Variants in RASA1 observed in about 807,000 individuals in gnomAD.
RASA1 encodes the protein RAS p21 protein activator 1, also known as ras GTPase-activating protein 1.
In RASA1, 25 loss-of-function variants were observed where a neutral mutation model predicts 132.2. The ratio of observed to expected loss-of-function variants is 0.19; its 90% CI spans 0.14 to 0.26. RASA1 has a LOEUF of 0.26. RASA1 is among the 10% of genes least tolerant of loss of function. The pLI is 1.00. For missense variants in RASA1, 964 were observed against 1,299.2 expected (o/e 0.74, Z 3.97); for synonymous variants, 477 against 449.9 (o/e 1.06, Z -0.76).
rs1758326525 is a variant in RASA1 at position 87,340,073 on chromosome 5, A to G, written c.1018-1217A>G. 3.3e-5 allele frequency among the ~76,000 whole-genome samples: 5 copies of G among 152,162 alleles called. No homozygotes were observed. In the South Asian group the frequency reaches 1.0e-3, roughly 31 times the overall value. On this transcript the variant is annotated intron_variant, in intron 5 of 24. Coordinates refer to ENST00000274376, the MANE Select transcript of RASA1 (RefSeq NM_002890.3). Reference sequence around the variant, plus strand: ...ATTCACTGATGTATTACCATTGCCTAGAATAGTGTCTGGCATTAGTAGGCA... The same window carrying G: ...ATTCACTGATGTATTACCATTGCCTGGAATAGTGTCTGGCATTAGTAGGCA...
intron 1 of RASA1, among the ~76,000 whole-genome samples, chr5:87,307,386 G>T (rs1220184454): frequency 2.6e-5 from 4 of 151,984 alleles, no homozygotes; most frequent in Non-Finnish European, 4.4e-5. Context: ...GCGTCAACCC[G>T]GGAGGCGGAG....
In RASA1 at chr5:87,372,098, AG is replaced by A. The variant is rs1302054698; in HGVS notation, c.1699-19del. On this transcript the variant is annotated intron_variant, in intron 12 of 24. Transcript: ENST00000274376. ...AATAAACTAGTGTATATTTCTTTGA[AG>A]TGCTGTTTTTCTTTGCAGGATTGGA... 2 of 1,610,468 alleles carry A rather than the reference AG, an allele frequency of 1.2e-6. No homozygotes were observed. Among genetic ancestry groups the A allele is most frequent in the Non-Finnish European group, 8.5e-7 (1 of 1,178,272 alleles).
At chr5:87,311,944 C>T (rs1364308735) in intron 1 of RASA1, among the ~76,000 whole-genome samples, 2 of 152,180 alleles carry the variant, frequency 1.3e-5, no homozygotes, top group African/African-American at 4.8e-5. Context: ...TTGGAATATC[C>T]AAGGTGTGGA....
At chr5:87,320,165 G>C (rs922124771) in intron 1 of RASA1, among the ~76,000 whole-genome samples, 3 of 152,156 alleles carry the variant, frequency 2.0e-5, no homozygotes, top group Non-Finnish European at 4.4e-5. Flanking sequence ...GATTTTCACT[G>C]TCCATATCAC....
intron 7 of RASA1, among the ~76,000 whole-genome samples, chr5:87,346,989 A>G (rs1758911622): frequency 6.6e-6 from 1 of 151,820 alleles, no homozygotes; most frequent in African/African-American, 2.4e-5. Flanking sequence ...TTTTTCCCAT[A>G]TGTTTCTAGA....
chr5:87,383,351 C>T (rs1194345938), intron 20 of RASA1, among the ~76,000 whole-genome samples: 2 of 152,154 alleles, frequency 1.3e-5, no homozygotes, highest in East Asian at 3.9e-4. Flanking sequence ...TTCAGAAATT[C>T]TTAAGATTCC....
rs960236167 is a variant in RASA1, at chr5:87,332,413, T to C, written c.693-94T>C. The C allele has an allele frequency of 3.1e-6, 4 of 1,270,294 alleles. No homozygotes were observed. The East Asian group carries it at 7.5e-5, about 24-fold the overall frequency. 78.7% of individuals were successfully genotyped at this position (1,270,294 alleles called of 1,614,324 possible). A position where few individuals can be genotyped will look rare whatever the true frequency, so the allele number is the denominator to read the frequency against. On this transcript the variant is annotated intron_variant, in intron 2 of 24. Transcript: ENST00000274376. ...GGATATAGTTACAAGGAAAAGAGTA[T>C]GGAAATTATGGATTTATAATTTCTT...
At chr5:87,327,052 T>A (rs1757283035) in intron 1 of RASA1, among the ~76,000 whole-genome samples, 1 of 152,352 alleles carries the variant, frequency 6.6e-6, no homozygotes, top group Middle Eastern at 3.4e-3. Context: ...GAGTATCCTC[T>A]ACTCCCCTGT....
chr5:87,319,045 A>G (rs1161185260), intron 1 of RASA1: 1 of 152,746 alleles, frequency 6.5e-6, no homozygotes, highest in Non-Finnish European at 1.5e-5. Flanking sequence ...GGAAGTCATG[A>G]AATCTTCAAG....
rs1300223288 is a variant in RASA1, at chr5:87,378,496, A to T, written c.2445A>T (p.Lys815Asn). ...TATQFVHHAL[K>N]DSILKIMESK... is the part of the protein sequence containing the mutation. Reference sequence around the variant, plus strand: ...CACAGTTTGTTCATCATGCTTTGAAAGACTCTATTTTAAAGATAATGGAAA... The same window carrying T: ...CACAGTTTGTTCATCATGCTTTGAATGACTCTATTTTAAAGATAATGGAAA... The change falls in exon 18 of 25, where the codon AAA becomes AAT. Residue 815 changes from lysine to asparagine, a missense_variant. Lys to Asn is a moderately conservative substitution (Grantham distance 94). Coordinates refer to ENST00000274376, the MANE Select transcript of RASA1 (RefSeq NM_002890.3). 1 of 1,612,000 alleles carries T rather than the reference A, an allele frequency of 6.2e-7. No homozygotes were observed. The highest frequency in any genetic ancestry group is 8.5e-7 in the Non-Finnish European group (1 of 1,178,248).
intron 1 of RASA1, among the ~76,000 whole-genome samples, chr5:87,300,744 T>A (rs1755324304): frequency 6.6e-6 from 1 of 152,184 alleles, no homozygotes; most frequent in South Asian, 2.1e-4. Context: ...AAGAAAATAT[T>A]CAGATTTTTT....
At chr5:87,313,190 G>C (rs1305087865) in intron 1 of RASA1, among the ~76,000 whole-genome samples, 1 of 152,186 alleles carries the variant, frequency 6.6e-6, no homozygotes, top group African/African-American at 2.4e-5. Context: ...GTGATCAAAT[G>C]GCATTTTATA....
chr5:87,341,266 A>G, intron 5 of RASA1, 24 bp from the exon 6 acceptor site: 3 of 1,257,152 alleles, frequency 2.4e-6, no homozygotes, highest in Non-Finnish European at 3.1e-6. Context: ...TATATAAAAT[A>G]CTGTCTTAAT....
At position 87,268,414 on chromosome 5, in the gene RASA1, G is replaced by A. The variant is rs1228836308; in HGVS notation, c.-38G>A. The A allele has an allele frequency of 2.7e-6, 4 of 1,491,574 alleles. No homozygotes were observed. The African/African-American group carries it at 5.6e-5, about 21-fold the overall frequency. 92.4% of individuals were successfully genotyped at this position (1,491,574 alleles called of 1,614,324 possible). A position where few individuals can be genotyped will look rare whatever the true frequency, so the allele number is the denominator to read the frequency against. ...GGGCCTGGTGGCCCCTGGGGCTCCC[G>A]GGCGGGCAGGGTAGGGCAGAGTAGA... On this transcript the variant is annotated 5_prime_UTR_variant, in exon 1 of 25. Transcript: ENST00000274376.
intron 20 of RASA1, among the ~76,000 whole-genome samples, chr5:87,381,160 G>A (rs567164842): frequency 2.0e-5 from 3 of 152,202 alleles, no homozygotes; most frequent in Admixed American, 2.0e-4. Context: ...ATGGAATTTG[G>A]GAGCTTACGT....
intron 21 of RASA1, among the ~76,000 whole-genome samples, chr5:87,384,439 T>G (rs1198064153): frequency 1.3e-5 from 2 of 152,164 alleles, no homozygotes; most frequent in Non-Finnish European, 2.9e-5. Flanking sequence ...ATTTTTACCT[T>G]AATAATCTGA....
rs113480019 is a variant in RASA1 at position 87,270,039 on chromosome 5, C to T, written c.539+1049C>T. Among the ~76,000 whole-genome samples, 264 of 152,008 alleles carry T rather than the reference C, an allele frequency of 1.7e-3. 1 individual carries two copies. The highest frequency in any genetic ancestry group is 0.017 in the Middle Eastern group (5 of 294). ...GGCGGATCACCTGAGGTCAGGAGTT[C>T]GAGACCAACCTGGCCAACCTGGTGA... is the stretch of plus-strand genomic sequence containing the variant. On this transcript the variant is annotated intron_variant, in intron 1 of 24. Transcript: ENST00000274376.
At chr5:87,338,732 T>C (rs912187970) in intron 5 of RASA1, among the ~76,000 whole-genome samples, 3 of 151,128 alleles carry the variant, frequency 2.0e-5, no homozygotes, top group African/African-American at 7.3e-5. Flanking sequence ...AGTGAAGTTA[T>C]ATCAGTCTGA....
intron 1 of RASA1, among the ~76,000 whole-genome samples, chr5:87,276,672 A>G (rs1754074684): frequency 6.6e-6 from 1 of 152,160 alleles, no homozygotes; most frequent in Non-Finnish European, 1.5e-5. Context: ...AATGAAAGTA[A>G]ATGAAAGAAT....
Sources: allele counts gnomAD v4.1 joint callset (sites outside exome capture counted in the v4.1 genomes callset), GRCh38; gene constraint gnomAD v4.1.1; transcripts MANE v1.5; gene names NCBI Gene and HGNC (gene_info 2026-07-23, HGNC 2026-07-21).